OR51B5: variants seen among roughly 807,000 people sequenced by gnomAD.
OR51B5 encodes olfactory receptor family 51 subfamily B member 5.
For synonymous variants in OR51B5, 186 were observed against 144.8 expected, an observed-to-expected ratio of 1.28 and a Z score of -2.04; for missense variants, 456 against 374.6, an observed-to-expected ratio of 1.22 and a Z score of -1.79.
At chr11:5,465,054 A>T (rs1476824956) in intron 1 of OR51B5, among the ~76,000 whole-genome samples, 1 of 151,630 alleles carries the variant, frequency 6.6e-6, no homozygotes, top group Non-Finnish European at 1.5e-5. Flanking sequence ...AAAATACAGA[A>T]AATTGTCCGG....
intron 1 of OR51B5, among the ~76,000 whole-genome samples, chr11:5,479,904 T>G (rs1398924370): frequency 7.2e-6 from 1 of 139,186 alleles, no homozygotes; most frequent in East Asian, 2.1e-4. Flanking sequence ...CTCCCACACA[T>G]TAATAATGGG....
intron 1 of OR51B5, among the ~76,000 whole-genome samples, chr11:5,359,904 T>C (rs1849254889): frequency 6.6e-6 from 1 of 152,230 alleles, no homozygotes; most frequent in Non-Finnish European, 1.5e-5. Flanking sequence ...AAGGATTCCC[T>C]ATTTAATAAA....
downstream of OR51B5, chr11:5,340,710 T>C (rs1028955267): frequency 3.3e-5 from 5 of 152,194 alleles, no homozygotes; most frequent in African/African-American, 1.2e-4. Context: ...CCATTCACAC[T>C]GGCCTTATAG....
intron 1 of OR51B5, among the ~76,000 whole-genome samples, chr11:5,406,897 G>A (rs1589979055): frequency 6.6e-6 from 1 of 152,122 alleles, no homozygotes; most frequent in Non-Finnish European, 1.5e-5. Flanking sequence ...TGGAGTACAA[G>A]GAGACAACTG....
chr11:5,355,490 C>T (rs1849178666), intron 1 of OR51B5: 1 of 152,272 alleles, frequency 6.6e-6, no homozygotes, highest in Non-Finnish European at 1.5e-5. Context: ...AGGGAGCTTT[C>T]ATTCCACCCC....
Position 5,424,995 on chromosome 11 carries a change from A to AAAG in OR51B5, n.85-78088_85-78086dup, listed in dbSNP as rs201312470. Among the ~76,000 whole-genome samples, 62 of 144,234 alleles carry AAAG rather than the reference A, an allele frequency of 4.3e-4. 3 individuals are homozygous for AAAG. The South Asian group carries it at 0.012, about 29-fold the overall frequency. 94.6% of individuals were successfully genotyped at this position (144,234 alleles called of 152,430 possible). ...AGACTCCGCCTCAAAAAAAAAAAAA[A>AAAG]AAGAAGTGAAAGGCAGAAAGCAAAT... On this transcript the variant is annotated intron_variant and non_coding_transcript_variant, in intron 1 of 4. Transcript: ENST00000415970.
At chr11:5,342,690 A>G in exon 1 of OR51B5, 1 of 1,614,046 alleles carries the variant, frequency 6.2e-7, no homozygotes, top group Non-Finnish European at 8.5e-7. Context: ...GGGAACAGAA[A>G]ATAGGCATAG....
intron 1 of OR51B5, among the ~76,000 whole-genome samples, chr11:5,496,435 G>A (rs1184021243): frequency 8.1e-4 from 6 of 7,374 alleles, no homozygotes. Context: ...TGGTTTAATT[G>A]CCTAACTACA....
intron 1 of OR51B5, among the ~76,000 whole-genome samples, chr11:5,379,047 GA>G (rs1849570841): frequency 6.6e-6 from 1 of 150,988 alleles, no homozygotes; most frequent in African/African-American, 2.4e-5. Context: ...CAATAGCAAA[GA>G]CTTGGAACCA....
intron 1 of OR51B5, among the ~76,000 whole-genome samples, chr11:5,462,565 T>C (rs1454854110): frequency 6.6e-6 from 1 of 152,210 alleles, no homozygotes; most frequent in East Asian, 1.9e-4. Context: ...TGAGAAGTTC[T>C]CTTCACCCAG....
chr11:5,441,003 C>T lies in OR51B5; in HGVS notation n.84+64566G>A, dbSNP rs374675719. On this transcript the variant is annotated intron_variant and non_coding_transcript_variant, in intron 1 of 4. Transcript: ENST00000415970. The stretch of plus-strand genomic sequence containing the variant: ...GGAGTGATGCAAAACATTGCCTTTG[C>T]AGAAGGGCAGTCGTTTCACCACAAA... 5.0e-6 allele frequency: 8 copies of T among 1,613,922 alleles called. No homozygotes were observed. The Admixed American group carries it at 1.0e-4, about 20-fold the overall frequency.
At position 5,401,880 on chromosome 11, in the gene OR51B5, T is replaced by TTCTCTC. The variant is rs148071208; in HGVS notation, n.85-54976_85-54971dup. ...GCTTTTTCTTTTTCCTTCCTTCCTTTTCTCTCTCTTCCTTCCTTCCTTTTC... is the reference window on the plus strand; with the variant it reads ...GCTTTTTCTTTTTCCTTCCTTCCTTTTCTCTCTCTCTCTCTTCCTTCCTTCCTTTTC... On this transcript the variant is annotated intron_variant and non_coding_transcript_variant, in intron 1 of 4. Coordinates refer to the OR51B5 transcript ENST00000415970. Among the ~76,000 whole-genome samples, 6 of 146,514 alleles carry TTCTCTC rather than the reference T, an allele frequency of 4.1e-5. No homozygotes were observed. In the East Asian group the frequency reaches 6.1e-4, roughly 15 times the overall value.
chr11:5,377,735 C>T (rs6578619), intron 1 of OR51B5, among the ~76,000 whole-genome samples: 141,522 of 148,200 alleles, frequency 0.95, 67,949 homozygotes, highest in Non-Finnish European at 0.98. Flanking sequence ...AATAAAATAC[C>T]TAGGAATCCA....
chr11:5,376,490 C>CA (rs1476375769), intron 1 of OR51B5, among the ~76,000 whole-genome samples: 2 of 151,996 alleles, frequency 1.3e-5, no homozygotes, highest in Non-Finnish European at 2.9e-5. Flanking sequence ...AACAGAGACA[C>CA]AAAAAACCCT....
rs551973008 is a variant in OR51B5, at chr11:5,503,258, A to T, written n.84+2311T>A. On this transcript the variant is annotated intron_variant and non_coding_transcript_variant, in intron 1 of 4. Transcript: ENST00000415970. ...ATTGCATGAGCATCTATTAACAAAG[A>T]TCTGAAGTAATAACACAGCAACTGG... is the stretch of plus-strand genomic sequence containing the variant. Among the ~76,000 whole-genome samples the T allele has an allele frequency of 2.3e-4, 35 of 152,346 alleles. 1 individual carries two copies. Among genetic ancestry groups the T allele is most frequent in the African/African-American group, 8.4e-4 (35 of 41,586 alleles).
intron 1 of OR51B5, among the ~76,000 whole-genome samples, chr11:5,397,147 T>A (rs377293137): frequency 3.9e-5 from 6 of 152,138 alleles, no homozygotes; most frequent in Admixed American, 6.6e-5. Flanking sequence ...GGCATGGGCA[T>A]GGACTTCATG....
intron 1 of OR51B5, chr11:5,389,671 C>T (rs769386890): frequency 2.5e-6 from 4 of 1,613,594 alleles, no homozygotes; most frequent in Non-Finnish European, 3.4e-6. Context: ...CCACGTTGCC[C>T]ACCACTATGG....
rs61892081 is a variant in OR51B5 at position 5,478,250 on chromosome 11, T to G, written n.84+27319A>C. Among the ~76,000 whole-genome samples the G allele has an allele frequency of 2.1e-4, 32 of 151,762 alleles. No homozygotes were observed. In the East Asian group the frequency reaches 5.2e-3, roughly 25 times the overall value. On this transcript the variant is annotated intron_variant and non_coding_transcript_variant, in intron 1 of 4. Transcript: ENST00000415970. ...TGGGAGGCACCCCCCAGCAGGGGCA[T>G]ACTGACACCTCACACGGCAGGGTAT...
At chr11:5,441,602 A>C (rs116498549) in intron 1 of OR51B5, 25 of 997,276 alleles carry the variant, frequency 2.5e-5, no homozygotes, top group Non-Finnish European at 1.3e-5. Context: ...CTCCAACAAA[A>C]GGTCATAGAT....
Sources: allele counts gnomAD v4.1 joint callset (sites outside exome capture counted in the v4.1 genomes callset), GRCh38; gene constraint gnomAD v4.1.1; transcripts MANE v1.5; gene names NCBI Gene and HGNC (gene_info 2026-07-23, HGNC 2026-07-21).